GLI2: variants seen among roughly 807,000 people sequenced by gnomAD.
GLI2 encodes transcription activator GLI2.
Under a neutral mutation model 78.9 loss-of-function variants are expected in GLI2, and 22 were observed. That is an observed-to-expected ratio of 0.28 (90% CI 0.20 to 0.40). The LOEUF (loss-of-function observed/expected upper bound fraction) is 0.40, where lower values mean the gene tolerates loss of function less well. Among genes scored for constraint, GLI2 ranks in the 10% least tolerant of loss-of-function variants. The pLI is 1.00. For missense variants in GLI2, 2,097 were observed against 2,213.2 expected (o/e 0.95, Z 1.05); for synonymous variants, 974 against 963.7 (o/e 1.01, Z -0.20).
rs1269256150 is a variant in GLI2, at chr2:120,765,201, T to A, written c.-31+28916T>A. 2.0e-5 allele frequency among the ~76,000 whole-genome samples: 3 copies of A among 152,168 alleles called. No homozygotes were observed. The East Asian group carries it at 5.8e-4, about 29-fold the overall frequency. On this transcript the variant is annotated intron_variant, in intron 1 of 13. Transcript: ENST00000361492. The stretch of plus-strand genomic sequence containing the variant: ...CCAGTCTGGGATCCTTGGGCCTCTC[T>A]CATGTGCCCTCAGGGGACAAAACCC...
chr2:120,939,409 A>G (rs113077275), intron 3 of GLI2, among the ~76,000 whole-genome samples: 3,890 of 152,124 alleles, frequency 0.026, 183 homozygotes, highest in African/African-American at 0.088. Flanking sequence ...GTGCTCCCCA[A>G]TCTCCTGCCT....
chr2:120,767,556 T>G (rs1194776592), intron 1 of GLI2, among the ~76,000 whole-genome samples: 1 of 152,074 alleles, frequency 6.6e-6, no homozygotes, highest in Non-Finnish European at 1.5e-5. Context: ...AAGAAAGAGG[T>G]AATTGAAAAG....
intron 2 of GLI2, among the ~76,000 whole-genome samples, chr2:120,923,655 A>G (rs1022445631): frequency 6.6e-5 from 10 of 152,104 alleles, no homozygotes; most frequent in African/African-American, 1.4e-4. Flanking sequence ...GCACATACAC[A>G]TACAACACAC....
chr2:120,865,950 C>T (rs964357676), intron 2 of GLI2, among the ~76,000 whole-genome samples: 6 of 152,234 alleles, frequency 3.9e-5, no homozygotes, highest in African/African-American at 1.2e-4. Context: ...ACACCCTGTG[C>T]CTGGGGCCAG....
intron 2 of GLI2, among the ~76,000 whole-genome samples, chr2:120,919,202 G>C (rs1362380211): frequency 2.6e-5 from 4 of 152,226 alleles, no homozygotes; most frequent in African/African-American, 9.7e-5. Flanking sequence ...ATAATACTGT[G>C]CTGGATGTTA....
intron 10 of GLI2, among the ~76,000 whole-genome samples, chr2:120,979,762 C>T (rs1342967236): frequency 2.0e-5 from 3 of 152,090 alleles, no homozygotes; most frequent in Non-Finnish European, 4.4e-5. Flanking sequence ...GTCCTTCCCA[C>T]AGCCCCTCCT....
At chr2:120,934,037 G>C (rs1680077188) in intron 3 of GLI2, among the ~76,000 whole-genome samples, 1 of 152,310 alleles carries the variant, frequency 6.6e-6, no homozygotes, top group African/African-American at 2.4e-5. Flanking sequence ...CTGGCCCCAG[G>C]AGTTCTTGTT....
At chr2:120,937,029 C>A (rs1680232152) in intron 3 of GLI2, among the ~76,000 whole-genome samples, 2 of 152,146 alleles carry the variant, frequency 1.3e-5, no homozygotes, top group African/African-American at 2.4e-5. Context: ...ATGTCAGGAG[C>A]CCCATCCCTC....
At chr2:120,844,690 T>C (rs915820831) in intron 2 of GLI2, among the ~76,000 whole-genome samples, 1 of 152,224 alleles carries the variant, frequency 6.6e-6, no homozygotes, top group Non-Finnish European at 1.5e-5. Flanking sequence ...GTTTGTGTCT[T>C]TGGTCACCAA....
chr2:120,824,520 G>C (rs3943553), intron 2 of GLI2, among the ~76,000 whole-genome samples: 7 of 152,134 alleles, frequency 4.6e-5, no homozygotes, highest in Admixed American at 4.6e-4. Flanking sequence ...GCAGAATGGC[G>C]GCTCCAGAGT....
intron 8 of GLI2, among the ~76,000 whole-genome samples, chr2:120,974,187 T>C (rs184460495): frequency 2.0e-5 from 3 of 152,242 alleles, no homozygotes; most frequent in African/African-American, 7.2e-5. Context: ...TGGGGAGTCC[T>C]TGACAGCCCT....
chr2:120,737,571 C>A lies in GLI2; in HGVS notation c.-31+1286C>A, dbSNP rs1012125332. Among the ~76,000 whole-genome samples the A allele has an allele frequency of 2.0e-5, 3 of 152,208 alleles. No homozygotes were observed. Among genetic ancestry groups the A allele is most frequent in the Non-Finnish European group, 4.4e-5 (3 of 68,042 alleles). On this transcript the variant is annotated intron_variant, in intron 1 of 13. Coordinates refer to ENST00000361492, the MANE Select transcript of GLI2 (RefSeq NM_001374353.1). This position sits in a 1 kb window ranked among gnomAD's most constrained non-coding sequence, Gnocchi z 4.3. ...CCTCTGTCCCCCAGCCCGGGCATCCCGCTCGGTGCGCGACCTCTGGCACGG... is the reference window on the plus strand; with the variant it reads ...CCTCTGTCCCCCAGCCCGGGCATCCAGCTCGGTGCGCGACCTCTGGCACGG...
chr2:120,801,457 T>C (rs1320873168), intron 2 of GLI2, among the ~76,000 whole-genome samples: 1 of 152,178 alleles, frequency 6.6e-6, no homozygotes, highest in African/African-American at 2.4e-5. Flanking sequence ...GTTCTTTATA[T>C]CTGTGAAAAA....
intron 2 of GLI2, among the ~76,000 whole-genome samples, chr2:120,915,440 G>T (rs994914404): frequency 1.3e-5 from 2 of 152,176 alleles, no homozygotes; most frequent in African/African-American, 4.8e-5. Context: ...GGCCATTCAG[G>T]ATATTATTCT....
chr2:120,891,575 T>C (rs182008827), intron 2 of GLI2, among the ~76,000 whole-genome samples: 1 of 152,274 alleles, frequency 6.6e-6, no homozygotes, highest in East Asian at 1.9e-4. Flanking sequence ...GCCTGGGCTA[T>C]GCTGGGAGAA....
At chr2:120,985,569 A>G (rs938697842) in intron 12 of GLI2, among the ~76,000 whole-genome samples, 2 of 152,186 alleles carry the variant, frequency 1.3e-5, no homozygotes, top group African/African-American at 4.8e-5. Context: ...GGGAAGGAAG[A>G]TCATGCCTTC....
At chr2:120,796,768 A>G (rs1684416317) in intron 1 of GLI2, among the ~76,000 whole-genome samples, 1 of 152,232 alleles carries the variant, frequency 6.6e-6, no homozygotes, top group Non-Finnish European at 1.5e-5. Flanking sequence ...CTAGGGGCTT[A>G]AAAATATGTT....
intron 1 of GLI2, among the ~76,000 whole-genome samples, chr2:120,773,935 C>G (rs181091414): frequency 7.4e-6 from 1 of 134,804 alleles, no homozygotes; most frequent in African/African-American, 2.9e-5. Flanking sequence ...CCTTCCTTCC[C>G]TCCCTCCCTC....
chr2:120,947,157 A>C (rs111701025), intron 3 of GLI2, among the ~76,000 whole-genome samples: 3,367 of 152,204 alleles, frequency 0.022, 133 homozygotes, highest in African/African-American at 0.078. Context: ...TATCCTGTCC[A>C]CACCCTGAGC....
Sources: allele counts gnomAD v4.1 joint callset (sites outside exome capture counted in the v4.1 genomes callset), GRCh38; gene constraint gnomAD v4.1.1; non-coding constraint Gnocchi (gnomAD v3.1); transcripts MANE v1.5; gene names NCBI Gene and HGNC (gene_info 2026-07-23, HGNC 2026-07-21).